The following TPCN1 variants were observed in gnomAD, a reference collection of about 807,000 sequenced individuals.
TPCN1 encodes two pore channel protein 1.
Under a neutral mutation model 108.8 loss-of-function variants are expected in TPCN1, and 52 were observed. The observed-to-expected ratio is 0.48, with a 90% CI of 0.38 to 0.60. The LOEUF (loss-of-function observed/expected upper bound fraction) is 0.60. Among genes scored for constraint, TPCN1 ranks in the 20% least tolerant of loss-of-function variants. The pLI is 0.00. For synonymous variants in TPCN1, 446 were observed against 433.7 expected (o/e 1.03, Z -0.35); for missense variants, 806 against 1,072.8 (o/e 0.75, Z 3.47).
At chr12:113,259,305 G>C (rs184721845) in intron 2 of TPCN1, among the ~76,000 whole-genome samples, 2 of 152,046 alleles carry the variant, frequency 1.3e-5, no homozygotes, top group Non-Finnish European at 2.9e-5. Flanking sequence ...ATCTTCCTTC[G>C]GGTGGATCAT....
chr12:113,234,561 T>C (rs1239296874), intron 2 of TPCN1, among the ~76,000 whole-genome samples: 1 of 152,252 alleles, frequency 6.6e-6, no homozygotes, highest in East Asian at 1.9e-4. Context: ...TTGCCTTTTG[T>C]ACCGGGTACC....
chr12:113,239,661 C>T (rs1954029710), intron 2 of TPCN1, among the ~76,000 whole-genome samples: 1 of 152,152 alleles, frequency 6.6e-6, no homozygotes, highest in South Asian at 2.1e-4. Context: ...AGTAGCCCAG[C>T]AGGGCATGGC....
At position 113,273,168 on chromosome 12, in the gene TPCN1, C is replaced by A; in HGVS notation, c.784-64C>A. ...GGGCATGCCAGGTGGCCCATCACAG[C>A]CTGTTCCTGATGGCCGTGTGCTCTT... On this transcript the variant is annotated intron_variant, in intron 8 of 27. Transcript: ENST00000335509. This position sits in a 1 kb window ranked among gnomAD's most constrained non-coding sequence, Gnocchi z 4.0. 6.7e-7 allele frequency: 1 copy of A among 1,498,738 alleles called. No homozygotes were observed. Among genetic ancestry groups the A allele is most frequent in the Non-Finnish European group, 9.3e-7 (1 of 1,075,338 alleles). 92.8% of individuals were successfully genotyped at this position (1,498,738 alleles called of 1,614,324 possible).
chr12:113,268,769 G>A lies in TPCN1; in HGVS notation c.556G>A (p.Glu186Lys), dbSNP rs1479783528. The A allele has an allele frequency of 4.3e-6, 7 of 1,613,920 alleles. No homozygotes were observed. Among genetic ancestry groups the A allele is most frequent in the South Asian group, 1.1e-5 (1 of 91,052 alleles). ...KTSVLVVQFV[E>K]AIVVLVRQMS... is the part of the protein sequence containing the mutation. ...CTCGGTGCTGGTGGTGCAGTTTGTC[G>A]AGGCCATCGTGGTGTTGGTACGGCA... The change falls in exon 6 of 28, where the codon GAG becomes AAG. Residue 186 changes from glutamate (E) to lysine (K), a missense_variant. Coordinates refer to ENST00000335509, the MANE Select transcript of TPCN1 (RefSeq NM_017901.6). This position sits in a 1 kb window ranked among gnomAD's most constrained non-coding sequence, Gnocchi z 7.3.
At chr12:113,244,351 C>T in intron 2 of TPCN1, 6 of 985,472 alleles carry the variant, frequency 6.1e-6, no homozygotes, top group Non-Finnish European at 6.0e-6. Flanking sequence ...CCAGTTCTTG[C>T]CTTTCTGAAG....
intron 7 of TPCN1, among the ~76,000 whole-genome samples, chr12:113,271,734 G>A (rs147581213): frequency 3.9e-4 from 59 of 152,266 alleles, no homozygotes; most frequent in East Asian, 2.1e-3. Flanking sequence ...TGTGTTTCCC[G>A]GTGCTCACGC....
At chr12:113,282,152 G>A (rs1243001025) in intron 15 of TPCN1, among the ~76,000 whole-genome samples, 8 of 142,554 alleles carry the variant, frequency 5.6e-5, no homozygotes, top group Non-Finnish European at 7.6e-5. Flanking sequence ...GTGCAGTGGC[G>A]TGATCTCGGC....
At chr12:113,234,336 C>G (rs1262827026) in intron 2 of TPCN1, among the ~76,000 whole-genome samples, 1 of 152,188 alleles carries the variant, frequency 6.6e-6, no homozygotes, top group Non-Finnish European at 1.5e-5. Flanking sequence ...TGGGAGTTCT[C>G]AGGAGCCAAG....
chr12:113,266,463 C>T lies in TPCN1; in HGVS notation c.414+107C>T. ...TGGGAGGGCAAACACTGCAAACGGA[C>T]TTAAAACAGAGAGATACGAGGTGGT... On this transcript the variant is annotated intron_variant, in intron 4 of 27. Coordinates refer to ENST00000335509, the MANE Select transcript of TPCN1 (RefSeq NM_017901.6). The surrounding 1 kb of genome is among the most constrained non-coding windows in gnomAD (Gnocchi z 4.2). 2 of 1,434,056 alleles carry T rather than the reference C, an allele frequency of 1.4e-6. No homozygotes were observed. 88.8% of individuals were successfully genotyped at this position (1,434,056 alleles called of 1,614,324 possible).
rs1314923593 is a variant in TPCN1, at chr12:113,266,345, C to T, written c.403C>T (p.Leu135Phe). Residue 135 changes from leucine to phenylalanine, a missense_variant, in exon 4 of 28, where the codon CTT (leucine) becomes TTT (phenylalanine). Physicochemically the swap from Leu to Phe is conservative, Grantham distance 22 (BLOSUM62 0). Transcript: ENST00000335509. The surrounding 1 kb of genome is among the most constrained non-coding windows in gnomAD (Gnocchi z 4.2). Reference protein sequence around the residue: ...CEAPAVPALRLGIYVHATLEL... With the variant: ...CEAPAVPALRFGIYVHATLEL... Reference sequence around the variant, plus strand: ...GGCCCCCGCCGTCCCCGCACTCCGGCTTGGCATCTATGTGAGCGCACATGC... The same window carrying T: ...GGCCCCCGCCGTCCCCGCACTCCGGTTTGGCATCTATGTGAGCGCACATGC... 1 of 1,607,476 alleles carries T rather than the reference C, an allele frequency of 6.2e-7. No individual in the cohort carries two copies. Among genetic ancestry groups the T allele is most frequent in the Non-Finnish European group, 8.5e-7 (1 of 1,179,982 alleles).
At position 113,272,088 on chromosome 12, in the gene TPCN1, G is replaced by A. The variant is rs1363881323; in HGVS notation, c.749-570G>A. Among the ~76,000 whole-genome samples, 3 of 152,180 alleles carry A rather than the reference G, an allele frequency of 2.0e-5. No individual in the cohort carries two copies. The highest frequency in any genetic ancestry group is 4.4e-5 in the Non-Finnish European group (3 of 68,038). ...CCTCCCACCCACCACCCCACTCTTGGTAGAATTTTGTTTGTGCTTCTCCGG... is the reference window on the plus strand; with the variant it reads ...CCTCCCACCCACCACCCCACTCTTGATAGAATTTTGTTTGTGCTTCTCCGG... On this transcript the variant is annotated intron_variant, in intron 7 of 27. Transcript: ENST00000335509. The surrounding 1 kb of genome is among the most constrained non-coding windows in gnomAD (Gnocchi z 4.1).
intron 2 of TPCN1, among the ~76,000 whole-genome samples, chr12:113,241,119 T>G (rs1443233118): frequency 1.3e-5 from 2 of 152,200 alleles, no homozygotes; most frequent in Non-Finnish European, 2.9e-5. Flanking sequence ...ATGCTCCTTT[T>G]GGGCTGCCTT....
At chr12:113,262,531 A>C (rs1955081608) in intron 3 of TPCN1, among the ~76,000 whole-genome samples, 1 of 152,160 alleles carries the variant, frequency 6.6e-6, no homozygotes, top group Non-Finnish European at 1.5e-5. Context: ...TTTGTTTCAA[A>C]TTAAGGCAAC....
At chr12:113,276,810 G>A in intron 10 of TPCN1, 109 bp from the exon 11 acceptor site, 1 of 763,732 alleles carries the variant, frequency 1.3e-6, no homozygotes, top group South Asian at 1.5e-5. Flanking sequence ...GGGCCTCTCT[G>A]GGGTGACTGG....
chr12:113,230,363 A>G (rs957409820), intron 2 of TPCN1, among the ~76,000 whole-genome samples: 6 of 134,498 alleles, frequency 4.5e-5, no homozygotes, highest in Admixed American at 8.9e-5. Context: ...ATCTCAGTTC[A>G]CTGCAACCTC....
At chr12:113,245,193 C>T (rs1367110831) in intron 2 of TPCN1, among the ~76,000 whole-genome samples, 1 of 151,902 alleles carries the variant, frequency 6.6e-6, no homozygotes, top group Non-Finnish European at 1.5e-5. Flanking sequence ...TGCTTGAACC[C>T]AGGAGATAAA....
At chr12:113,241,288 A>G (rs753049270) in intron 2 of TPCN1, among the ~76,000 whole-genome samples, 28 of 152,190 alleles carry the variant, frequency 1.8e-4, no homozygotes, top group Non-Finnish European at 3.7e-4. Context: ...TCACTTCCCC[A>G]ATGTGCCCAT....
Position 113,266,376 on chromosome 12 carries a change from A to T in TPCN1, c.414+20A>T. ...ATCTATGTGAGCGCACATGCTCCTC[A>T]TACGGGGGGCTGGGAGCCACGGCTT... On this transcript the variant is annotated intron_variant, in intron 4 of 27. Coordinates refer to ENST00000335509, the MANE Select transcript of TPCN1 (RefSeq NM_017901.6). This position sits in a 1 kb window ranked among gnomAD's most constrained non-coding sequence, Gnocchi z 4.2. 6.3e-7 allele frequency: 1 copy of T among 1,599,946 alleles called. No homozygotes were observed. The highest frequency in any genetic ancestry group is 8.5e-7 in the Non-Finnish European group (1 of 1,177,968).
In TPCN1 at chr12:113,288,732, G is replaced by A. The variant is rs530104344; in HGVS notation, c.1707-26G>A. ...AGCCGTTCCCTCCTGCCGGCCCCGC[G>A]TCACCCTGCCCCTGTCGCCCCACAG... On this transcript the variant is annotated intron_variant, in intron 20 of 27. Transcript: ENST00000335509. This position sits in a 1 kb window ranked among gnomAD's most constrained non-coding sequence, Gnocchi z 4.8. The A allele has an allele frequency of 5.0e-5, 80 of 1,609,636 alleles. 1 individual carries two copies. In the South Asian group the frequency reaches 5.2e-4, roughly 10 times the overall value.
Sources: gnomAD v4.1 joint callset for allele counts (sites outside exome capture counted in the v4.1 genomes callset) on GRCh38, gnomAD v4.1.1 for gene constraint, Gnocchi (gnomAD v3.1) non-coding constraint, MANE v1.5 for transcripts, NCBI Gene and HGNC (gene_info 2026-07-23, HGNC 2026-07-21) for gene names.